The following CNTN4 variants were observed in gnomAD, a reference collection of about 807,000 sequenced individuals.
CNTN4 encodes contactin 4.
Under a neutral mutation model 122.5 loss-of-function variants are expected in CNTN4, and 77 were observed. The ratio of observed to expected loss-of-function variants is 0.63; its 90% CI spans 0.52 to 0.76. The LOEUF (loss-of-function observed/expected upper bound fraction) is 0.76. CNTN4 is among the 30% of genes least tolerant of loss of function. The pLI, the probability that CNTN4 is intolerant of heterozygous loss-of-function variation, is 0.00. For missense variants in CNTN4, 1,256 were observed against 1,259.1 expected (o/e 1.00, Z 0.04); for synonymous variants, 512 against 447.0 (o/e 1.15, Z -1.83).
chr3:2,992,145 A>G (rs1457857783), intron 14 of CNTN4, among the ~76,000 whole-genome samples: 1 of 152,156 alleles, frequency 6.6e-6, no homozygotes, highest in Non-Finnish European at 1.5e-5. Flanking sequence ...CAGATACAGG[A>G]GGTTTAGAAT....
intron 2 of CNTN4, among the ~76,000 whole-genome samples, chr3:2,111,063 C>T (rs2032915039): frequency 6.6e-6 from 1 of 152,008 alleles, no homozygotes; most frequent in South Asian, 2.1e-4. Context: ...CTATTTTTTT[C>T]CAGCACATTT....
intron 12 of CNTN4, among the ~76,000 whole-genome samples, chr3:2,917,848 T>G (rs1234099985): frequency 2.6e-5 from 4 of 152,210 alleles, no homozygotes; most frequent in African/African-American, 9.6e-5. Flanking sequence ...ATGCTTCCAT[T>G]GCTACATTAT....
At chr3:2,879,031 CAAAT>C (rs1263165908) in intron 8 of CNTN4, among the ~76,000 whole-genome samples, 1 of 152,112 alleles carries the variant, frequency 6.6e-6, no homozygotes, top group East Asian at 1.9e-4. Flanking sequence ...TTTTGTCCCT[CAAAT>C]AGATATGGTG....
At chr3:2,114,408 T>C (rs1422797125) in intron 2 of CNTN4, among the ~76,000 whole-genome samples, 1 of 152,126 alleles carries the variant, frequency 6.6e-6, no homozygotes, top group Non-Finnish European at 1.5e-5. Context: ...TACAGTGTGC[T>C]GTGATCCTGT....
At chr3:2,133,076 C>G (rs2034526858) in intron 2 of CNTN4, among the ~76,000 whole-genome samples, 2 of 151,966 alleles carry the variant, frequency 1.3e-5, no homozygotes, top group Non-Finnish European at 2.9e-5. Flanking sequence ...TATTAGGACA[C>G]CAGAGCAATC....
Position 2,571,515 on chromosome 3 carries a change from A to G in CNTN4, c.12A>G (p.Pro4=). MRL[P]WELLVLQSFI... is the part of the protein sequence containing the mutation. ...CTCGGAAACTGAAGATGAGGTTGCC[A>G]TGGGAACTGCTGGTACTGCAATCAT... is the stretch of plus-strand genomic sequence containing the variant. The change falls in exon 4 of 25, where the codon CCA becomes CCG. Residue 4 remains proline (P), a synonymous_variant. Transcript: ENST00000418658. 4.3e-6 allele frequency: 7 copies of G among 1,613,720 alleles called. No homozygotes were observed. The highest frequency in any genetic ancestry group is 1.7e-5 in the Admixed American group (1 of 60,028).
intron 4 of CNTN4, among the ~76,000 whole-genome samples, chr3:2,714,109 A>G (rs1331630489): frequency 2.6e-5 from 4 of 152,194 alleles, no homozygotes; most frequent in Non-Finnish European, 1.5e-5. Flanking sequence ...TATAGTAGTG[A>G]TCACTCATTA....
intron 4 of CNTN4, among the ~76,000 whole-genome samples, chr3:2,597,240 T>A (rs2080812509): frequency 6.6e-6 from 1 of 152,164 alleles, no homozygotes; most frequent in Non-Finnish European, 1.5e-5. Flanking sequence ...TTTCAGAGAT[T>A]GTTATGAAAA....
At chr3:2,148,107 G>A (rs2035331299) in intron 2 of CNTN4, among the ~76,000 whole-genome samples, 1 of 152,120 alleles carries the variant, frequency 6.6e-6, no homozygotes, top group Non-Finnish European at 1.5e-5. Context: ...ATGGTTGATT[G>A]GTTGTGGGAC....
At chr3:2,635,948 T>C (rs2082640774) in intron 4 of CNTN4, among the ~76,000 whole-genome samples, 1 of 152,188 alleles carries the variant, frequency 6.6e-6, no homozygotes, top group African/African-American at 2.4e-5. Context: ...ACCTGCTTCC[T>C]GTGGACCAAC....
chr3:2,776,006 T>C lies in CNTN4; in HGVS notation c.358+30309T>C, dbSNP rs137995430. On this transcript the variant is annotated intron_variant, in intron 6 of 24. Transcript: ENST00000418658. Reference sequence around the variant, plus strand: ...TCCTTTGCGCTTTGCATTTTATACATACTTATGTCATAGCATATTTATTGC... The same window carrying C: ...TCCTTTGCGCTTTGCATTTTATACACACTTATGTCATAGCATATTTATTGC... Among the ~76,000 whole-genome samples, 917 of 152,320 alleles carry C rather than the reference T, an allele frequency of 6.0e-3. 13 individuals carry two copies. Among genetic ancestry groups the C allele is most frequent in the African/African-American group, 0.021 (882 of 41,562 alleles).
chr3:2,919,353 GAAAAAAAAAAA>G (rs200119254), intron 12 of CNTN4, among the ~76,000 whole-genome samples: 1 of 108,490 alleles, frequency 9.2e-6, no homozygotes, highest in African/African-American at 3.5e-5. Flanking sequence ...CTCTGTCTCA[GAAAAAAAAAAA>G]AAAAAAAAAA....
At chr3:2,292,026 G>A (rs1010238590) in intron 2 of CNTN4, among the ~76,000 whole-genome samples, 6 of 152,130 alleles carry the variant, frequency 3.9e-5, no homozygotes, top group East Asian at 1.9e-4. Context: ...GTGAGCCACC[G>A]CGCCTGGCGA....
intron 4 of CNTN4, among the ~76,000 whole-genome samples, chr3:2,704,041 C>T (rs980523869): frequency 6.6e-6 from 1 of 151,788 alleles, no homozygotes; most frequent in Non-Finnish European, 1.5e-5. Flanking sequence ...GCCTGTAATC[C>T]CAGAACTTTG....
intron 2 of CNTN4, among the ~76,000 whole-genome samples, chr3:2,157,673 A>G (rs1249761197): frequency 6.6e-6 from 1 of 152,194 alleles, no homozygotes; most frequent in African/African-American, 2.4e-5. Flanking sequence ...GAGATGCCCT[A>G]AAACAATACT....
At chr3:2,230,128 A>G (rs2039429655) in intron 2 of CNTN4, among the ~76,000 whole-genome samples, 1 of 152,208 alleles carries the variant, frequency 6.6e-6, no homozygotes, top group South Asian at 2.1e-4. Flanking sequence ...GCTGTGACTT[A>G]AGATTGAACA....
intron 4 of CNTN4, among the ~76,000 whole-genome samples, chr3:2,576,723 T>A (rs563344015): frequency 8.6e-4 from 131 of 152,178 alleles, no homozygotes; most frequent in African/African-American, 3.0e-3. Flanking sequence ...AGTTTTTGTA[T>A]TTCTAGTAGA....
intron 4 of CNTN4, among the ~76,000 whole-genome samples, chr3:2,732,849 G>T (rs2088800995): frequency 6.6e-6 from 1 of 152,052 alleles, no homozygotes; most frequent in Non-Finnish European, 1.5e-5. Context: ...AGCCCAAATA[G>T]CTCGTGCACA....
At chr3:2,188,975 G>C (rs768611346) in intron 2 of CNTN4, among the ~76,000 whole-genome samples, 24 of 152,148 alleles carry the variant, frequency 1.6e-4, no homozygotes, top group Non-Finnish European at 1.8e-4. Flanking sequence ...GTACACTGCA[G>C]CTGCTCTGGT....
Sources: gnomAD v4.1 joint callset for allele counts (sites outside exome capture counted in the v4.1 genomes callset) on GRCh38, gnomAD v4.1.1 for gene constraint, MANE v1.5 for transcripts, NCBI Gene and HGNC (gene_info 2026-07-23, HGNC 2026-07-21) for gene names.